KCNH7: variants seen among roughly 807,000 people sequenced by gnomAD.
The protein encoded by KCNH7 is voltage-gated inwardly rectifying potassium channel KCNH7.
Under a neutral mutation model 120.8 loss-of-function variants are expected in KCNH7, and 49 were observed. The ratio of observed to expected loss-of-function variants is 0.41; its 90% CI spans 0.32 to 0.51. The LOEUF is 0.51. KCNH7 is among the 20% of genes least tolerant of loss of function. KCNH7 has a pLI of 0.38. For synonymous variants in KCNH7, 547 were observed against 516.1 expected (o/e 1.06, Z -0.81); for missense variants, 1,097 against 1,446.6 (o/e 0.76, Z 3.92).
At chr2:162,415,082 TA>T (rs1436552560) in intron 9 of KCNH7, among the ~76,000 whole-genome samples, 1 of 152,012 alleles carries the variant, frequency 6.6e-6, no homozygotes, top group African/African-American at 2.4e-5. Flanking sequence ...GCTATTTCTG[TA>T]AACCAATGAG....
chr2:162,490,337 A>G (rs1690252086), intron 6 of KCNH7, among the ~76,000 whole-genome samples: 1 of 152,236 alleles, frequency 6.6e-6, no homozygotes, highest in Non-Finnish European at 1.5e-5. Flanking sequence ...TCAACTGAAA[A>G]GGAGGGCAAC....
At chr2:162,747,067 G>T (rs1382384838) in intron 2 of KCNH7, among the ~76,000 whole-genome samples, 1 of 152,038 alleles carries the variant, frequency 6.6e-6, no homozygotes, top group Non-Finnish European at 1.5e-5. Flanking sequence ...TACAAAAACT[G>T]CCTATAAAAT....
Position 162,426,219 on chromosome 2 carries a change from A to G in KCNH7, c.1955-2684T>C, listed in dbSNP as rs557245487. 4.0e-5 allele frequency among the ~76,000 whole-genome samples: 6 copies of G among 151,838 alleles called. No individual in the cohort carries two copies. The East Asian group carries it at 1.2e-3, about 29-fold the overall frequency. On this transcript the variant is annotated intron_variant, in intron 8 of 15. Transcript: ENST00000332142. Reference sequence around the variant, plus strand: ...ACAGAGTGAGACCCTATCTTTAAAAAAAAAAAAAAAAAAAAAGTGACCTGA... The same window carrying G: ...ACAGAGTGAGACCCTATCTTTAAAAGAAAAAAAAAAAAAAAAGTGACCTGA...
chr2:162,661,967 C>T (rs966232674), intron 2 of KCNH7, among the ~76,000 whole-genome samples: 4 of 151,672 alleles, frequency 2.6e-5, no homozygotes, highest in African/African-American at 9.7e-5. Flanking sequence ...CTTTTTTCAA[C>T]TTTAAAGAAA....
intron 2 of KCNH7, among the ~76,000 whole-genome samples, chr2:162,757,403 C>G (rs895200697): frequency 6.6e-6 from 1 of 152,078 alleles, no homozygotes; most frequent in African/African-American, 2.4e-5. Context: ...GAATTTTTCC[C>G]TTTTCAAAAT....
chr2:162,740,142 G>A (rs928636639), intron 2 of KCNH7, among the ~76,000 whole-genome samples: 2 of 152,192 alleles, frequency 1.3e-5, no homozygotes, highest in African/African-American at 4.8e-5. Context: ...TCATTGCTCA[G>A]GTAAAACCAT....
chr2:162,614,542 A>G (rs1334464528), intron 2 of KCNH7, among the ~76,000 whole-genome samples: 2 of 152,042 alleles, frequency 1.3e-5, no homozygotes, highest in African/African-American at 4.8e-5. Flanking sequence ...ATATTTAGTG[A>G]TATGAATGAA....
intron 2 of KCNH7, among the ~76,000 whole-genome samples, chr2:162,713,113 C>T (rs761417335): frequency 1.3e-5 from 2 of 152,110 alleles, no homozygotes; most frequent in Non-Finnish European, 2.9e-5. Flanking sequence ...TTAGTAGAGA[C>T]GGGGCTTCCC....
At chr2:162,542,356 C>T (rs1358511075) in intron 2 of KCNH7, among the ~76,000 whole-genome samples, 5 of 148,940 alleles carry the variant, frequency 3.4e-5, no homozygotes, top group Non-Finnish European at 7.4e-5. Context: ...CCCATTAACT[C>T]GTCATTTAGC....
intron 9 of KCNH7, 191 bp downstream of exon 9, chr2:162,423,145 G>T: frequency 8.3e-7 from 1 of 1,198,022 alleles, no homozygotes; most frequent in Non-Finnish European, 1.2e-6. Context: ...TTGCCACACA[G>T]TATAACTAGA....
chr2:162,645,444 C>T (rs958876501), intron 2 of KCNH7, among the ~76,000 whole-genome samples: 2 of 152,240 alleles, frequency 1.3e-5, no homozygotes, highest in Admixed American at 1.3e-4. Flanking sequence ...CTACACCTGG[C>T]CTATTACAAA....
chr2:162,786,242 C>A (rs1394393893), intron 2 of KCNH7, among the ~76,000 whole-genome samples: 37 of 72,030 alleles, frequency 5.1e-4, no homozygotes, highest in Middle Eastern at 7.7e-3. Flanking sequence ...GAATCCGTCT[C>A]AAAAAAAAAA....
chr2:162,789,840 G>A (rs1683857487), intron 2 of KCNH7, among the ~76,000 whole-genome samples: 1 of 151,928 alleles, frequency 6.6e-6, no homozygotes, highest in South Asian at 2.1e-4. Context: ...ATGGGATATA[G>A]CAAAACCAGT....
chr2:162,535,722 A>G (rs1050611280), intron 3 of KCNH7, among the ~76,000 whole-genome samples: 2 of 151,786 alleles, frequency 1.3e-5, no homozygotes, highest in African/African-American at 4.8e-5. Flanking sequence ...TAATCAAAAA[A>G]TAACCTCAAC....
At chr2:162,600,174 G>A (rs569748149) in intron 2 of KCNH7, among the ~76,000 whole-genome samples, 60 of 152,156 alleles carry the variant, frequency 3.9e-4, no homozygotes, top group Admixed American at 3.7e-3. Flanking sequence ...AATCTCTGCA[G>A]AACACCACCT....
At chr2:162,523,260 G>T (rs1691592910) in intron 3 of KCNH7, among the ~76,000 whole-genome samples, 1 of 151,728 alleles carries the variant, frequency 6.6e-6, no homozygotes, top group Non-Finnish European at 1.5e-5. Flanking sequence ...TTTTGCTTAT[G>T]ATTTCAGAAG....
intron 5 of KCNH7, among the ~76,000 whole-genome samples, chr2:162,508,783 C>A (rs888395119): frequency 3.3e-5 from 5 of 151,394 alleles, no homozygotes; most frequent in African/African-American, 1.2e-4. Context: ...AGGTGAAAGG[C>A]AGCCTCACTG....
chr2:162,535,646 C>T (rs1315833206), intron 3 of KCNH7, among the ~76,000 whole-genome samples: 1 of 151,536 alleles, frequency 6.6e-6, no homozygotes, highest in Non-Finnish European at 1.5e-5. Flanking sequence ...AATGTGAATC[C>T]AATAAAAATA....
chr2:162,804,195 C>G (rs1229369557), intron 2 of KCNH7, among the ~76,000 whole-genome samples: 1 of 151,852 alleles, frequency 6.6e-6, no homozygotes, highest in Non-Finnish European at 1.5e-5. Context: ...AGGATGCCCA[C>G]TTTCACCACT....
Sources: gnomAD v4.1 joint callset for allele counts (sites outside exome capture counted in the v4.1 genomes callset) on GRCh38, gnomAD v4.1.1 for gene constraint, MANE v1.5 for transcripts, NCBI Gene and HGNC (gene_info 2026-07-23, HGNC 2026-07-21) for gene names.